GPR176: variants seen among roughly 807,000 people sequenced by gnomAD.
The protein encoded by GPR176 is G protein-coupled receptor 176, also known as G-protein coupled receptor 176.
Under a neutral mutation model 35.4 loss-of-function variants are expected in GPR176, and 26 were observed. That is an observed-to-expected ratio of 0.74 (90% CI 0.54 to 1.02). The LOEUF (loss-of-function observed/expected upper bound fraction) is 1.02. Among genes scored for constraint, GPR176 ranks in the 50% least tolerant of loss-of-function variants. GPR176 has a pLI of 0.00. For missense variants in GPR176, 597 were observed against 665.3 expected (o/e 0.90, Z 1.13); for synonymous variants, 278 against 271.3 (o/e 1.02, Z -0.24).
intron 1 of GPR176, among the ~76,000 whole-genome samples, chr15:39,895,434 T>C (rs566556261): frequency 6.6e-6 from 1 of 152,316 alleles, no homozygotes; most frequent in East Asian, 1.9e-4. Context: ...ATAAATACAA[T>C]GAACAGTTGG....
At chr15:39,816,979 G>C (rs749555986) in intron 1 of GPR176, among the ~76,000 whole-genome samples, 1 of 148,362 alleles carries the variant, frequency 6.7e-6, no homozygotes, top group Non-Finnish European at 1.5e-5. Context: ...AGAGGCAGTA[G>C]GATCACCTGA....
At chr15:39,863,319 T>A (rs1265370061) in intron 1 of GPR176, among the ~76,000 whole-genome samples, 2 of 151,594 alleles carry the variant, frequency 1.3e-5, no homozygotes, top group Non-Finnish European at 2.9e-5. Context: ...CTGTATGTCT[T>A]AGTTTTTAAC....
intron 1 of GPR176, among the ~76,000 whole-genome samples, chr15:39,824,163 C>T (rs556817287): frequency 6.6e-6 from 1 of 152,366 alleles, no homozygotes; most frequent in South Asian, 2.1e-4. Context: ...CGCCATGTGA[C>T]ATGCTGTCTG....
At chr15:39,806,938 T>G (rs868474955) in intron 2 of GPR176, 68 bp downstream of exon 2, 2 of 1,422,362 alleles carry the variant, frequency 1.4e-6, no homozygotes, top group Middle Eastern at 3.7e-4. Flanking sequence ...ACTCATCATT[T>G]GCTTCATGAT....
At chr15:39,874,038 T>C (rs2032150425) in intron 1 of GPR176, among the ~76,000 whole-genome samples, 1 of 152,192 alleles carries the variant, frequency 6.6e-6, no homozygotes, top group Non-Finnish European at 1.5e-5. Flanking sequence ...CAAAATGTAT[T>C]GCACGAAGGT....
intron 1 of GPR176, among the ~76,000 whole-genome samples, chr15:39,841,554 G>T (rs964951458): frequency 1.3e-5 from 2 of 152,146 alleles, no homozygotes; most frequent in Non-Finnish European, 2.9e-5. Context: ...GACAGGACTA[G>T]AGTGATGCAT....
intron 1 of GPR176, among the ~76,000 whole-genome samples, chr15:39,917,112 T>C (rs2033746138): frequency 2.0e-5 from 3 of 151,886 alleles, no homozygotes. Context: ...TGAAACCCCA[T>C]CTCTACTAAA....
intron 1 of GPR176, among the ~76,000 whole-genome samples, chr15:39,886,609 T>C (rs1595506739): frequency 6.6e-6 from 1 of 152,212 alleles, no homozygotes; most frequent in Non-Finnish European, 1.5e-5. Context: ...GAATACTAAT[T>C]AGAGTGACAA....
chr15:39,801,659 G>T lies in GPR176; in HGVS notation c.1021C>A (p.Arg341=), dbSNP rs567029608. 1.2e-6 allele frequency: 2 copies of T among 1,613,634 alleles called. No individual in the cohort carries two copies. Among genetic ancestry groups the T allele is most frequent in the African/African-American group, 1.3e-5 (1 of 75,028 alleles). The part of the protein sequence containing the change: ...LIGTLVQLHH[R]YSRRNVVSTG... ...CTGACCACATTACGGCGACTGTACC[G>T]GTGGTGTAGTTGCACCAGGGTCCCT... The change falls in exon 3 of 3, where the codon CGG becomes AGG. Residue 341 remains arginine (R), a synonymous_variant. Coordinates refer to ENST00000561100, the MANE Select transcript of GPR176 (RefSeq NM_007223.3).
At chr15:39,887,172 G>A (rs2140854916) in intron 1 of GPR176, among the ~76,000 whole-genome samples, 1 of 152,320 alleles carries the variant, frequency 6.6e-6, no homozygotes, top group Middle Eastern at 3.4e-3. Flanking sequence ...CACAGGAAGT[G>A]GTTCTGATGC....
At chr15:39,878,374 T>A (rs1020592587) in intron 1 of GPR176, among the ~76,000 whole-genome samples, 1 of 152,086 alleles carries the variant, frequency 6.6e-6, no homozygotes, top group Non-Finnish European at 1.5e-5. Context: ...TACAGTACTG[T>A]CTTTTTGTGG....
intron 1 of GPR176, among the ~76,000 whole-genome samples, chr15:39,857,054 T>G (rs942711190): frequency 6.6e-5 from 10 of 152,150 alleles, no homozygotes; most frequent in Non-Finnish European, 8.8e-5. Context: ...ATTTATTGGT[T>G]GAGTTTGGGG....
intron 1 of GPR176, among the ~76,000 whole-genome samples, chr15:39,897,599 A>AC (rs2033153169): frequency 2.3e-5 from 2 of 88,524 alleles, no homozygotes; most frequent in Admixed American, 2.9e-4. Context: ...ACATCCAAAT[A>AC]TTTTTTTTTT....
At chr15:39,835,396 AC>A (rs1396824416) in intron 1 of GPR176, among the ~76,000 whole-genome samples, 2 of 152,156 alleles carry the variant, frequency 1.3e-5, no homozygotes, top group African/African-American at 4.8e-5. Context: ...TTATTAAAAA[AC>A]AAAAAGCAAA....
At chr15:39,856,943 G>C (rs1411039913) in intron 1 of GPR176, among the ~76,000 whole-genome samples, 1 of 151,840 alleles carries the variant, frequency 6.6e-6, no homozygotes, top group Non-Finnish European at 1.5e-5. Context: ...TGTATTTATT[G>C]GTTGAGTTTG....
In GPR176 at chr15:39,807,207, A is replaced by G; in HGVS notation, c.224T>C (p.Val75Ala). ...STCRTTVFKS[V>A]TNRFIKNLAC... ...CAGGTTTTTAATGAACCTGTTGGTG[A>G]CAGATTTGAACACGGTTGTGCGGCA... The change falls in exon 2 of 3, where the codon GTC becomes GCC. Residue 75 changes from valine (V) to alanine (A), a missense_variant. By Grantham distance (64) the Val-to-Ala change is moderately conservative (BLOSUM62 0). Around this residue, in one of 3 missense-constraint regions of GPR176, gnomAD observed 126 missense variants for 112.4 expected, o/e 1.12. Transcript: ENST00000561100. The G allele has an allele frequency of 6.2e-7, 1 of 1,612,988 alleles. No homozygotes were observed. Among genetic ancestry groups the G allele is most frequent in the Non-Finnish European group, 8.5e-7 (1 of 1,179,474 alleles).
At chr15:39,872,807 G>A (rs909624048) in intron 1 of GPR176, among the ~76,000 whole-genome samples, 3 of 152,012 alleles carry the variant, frequency 2.0e-5, no homozygotes, top group African/African-American at 7.3e-5. Flanking sequence ...TAACCCACGA[G>A]GGATCTGCTC....
intron 1 of GPR176, among the ~76,000 whole-genome samples, chr15:39,858,648 G>A (rs991864822): frequency 6.6e-6 from 1 of 152,214 alleles, no homozygotes; most frequent in Non-Finnish European, 1.5e-5. Flanking sequence ...AGGAAGTCAA[G>A]GCTGCAGTGA....
At chr15:39,919,727 G>T in intron 1 of GPR176, 128 bp downstream of exon 1, 1 of 633,030 alleles carries the variant, frequency 1.6e-6, no homozygotes. Context: ...GGATCCTTAA[G>T]CTTCCTTCAA....
Sources: allele counts gnomAD v4.1 joint callset (sites outside exome capture counted in the v4.1 genomes callset), GRCh38; gene constraint gnomAD v4.1.1; regional missense constraint gnomAD v4.1.1; transcripts MANE v1.5; gene names NCBI Gene and HGNC (gene_info 2026-07-23, HGNC 2026-07-21).